The following AGAP1 variants were observed in gnomAD, a reference collection of about 807,000 sequenced individuals.
The protein encoded by AGAP1 is ArfGAP with GTPase domain, ankyrin repeat and PH domain 1.
In AGAP1, 29 loss-of-function variants were observed where a neutral mutation model predicts 105.3. That is an observed-to-expected ratio of 0.28 (90% CI 0.21 to 0.38). The LOEUF is 0.38. Ranked by LOEUF, AGAP1 falls within the 10% of genes least tolerant of loss-of-function variation. The pLI, the probability that AGAP1 is intolerant of heterozygous loss-of-function variation, is 1.00. For missense variants in AGAP1, 998 were observed against 1,165.1 expected (o/e 0.86, Z 2.09); for synonymous variants, 509 against 485.9 (o/e 1.05, Z -0.63).
chr2:235,711,370 C>T (rs532932326), intron 2 of AGAP1, among the ~76,000 whole-genome samples: 1 of 152,228 alleles, frequency 6.6e-6, no homozygotes, highest in South Asian at 2.1e-4. Context: ...CATGATCATA[C>T]CAGCCCATAA....
chr2:235,959,075 C>A lies in AGAP1; in HGVS notation c.1484-9387C>A, dbSNP rs150721300. ...CGGGACCCCAGTCCCTCCGTCAGAG[C>A]CGGTTTAGATGTGGAGTAATGAGGC... On this transcript the variant is annotated intron_variant, in intron 12 of 17. Transcript: ENST00000304032. The surrounding 1 kb of genome is among the most constrained non-coding windows in gnomAD (Gnocchi z 7.3). Among the ~76,000 whole-genome samples the A allele has an allele frequency of 3.1e-3, 466 of 152,290 alleles. 5 individuals are homozygous for A. Among genetic ancestry groups the A allele is most frequent in the Admixed American group, 0.021 (322 of 15,306 alleles).
intron 13 of AGAP1, among the ~76,000 whole-genome samples, chr2:236,025,090 T>A (rs2057010165): frequency 6.6e-6 from 1 of 152,228 alleles, no homozygotes; most frequent in Admixed American, 6.5e-5. Flanking sequence ...AACTTCAACA[T>A]GCTTTTAATA....
chr2:236,090,557 C>T lies in AGAP1; in HGVS notation c.2115-29635C>T, dbSNP rs1030311563. On this transcript the variant is annotated intron_variant, in intron 16 of 17. Coordinates refer to ENST00000304032, the MANE Select transcript of AGAP1 (RefSeq NM_001037131.3). This position sits in a 1 kb window ranked among gnomAD's most constrained non-coding sequence, Gnocchi z 4.3. The stretch of plus-strand genomic sequence containing the variant: ...TGCCAAGCGAGTGAGAGGCGGGGGT[C>T]GGAGGGAGGCCTTCCTCCTGCAGCG... Among the ~76,000 whole-genome samples the T allele has an allele frequency of 1.2e-4, 19 of 152,160 alleles. No individual in the cohort carries two copies. In the East Asian group the frequency reaches 3.5e-3, roughly 28 times the overall value.
chr2:235,560,813 C>T (rs1318524185), intron 1 of AGAP1, among the ~76,000 whole-genome samples: 1 of 152,194 alleles, frequency 6.6e-6, no homozygotes, highest in Non-Finnish European at 1.5e-5. Flanking sequence ...AACCAGTCAG[C>T]TGAGTGGTCA....
At position 235,958,161 on chromosome 2, in the gene AGAP1, C is replaced by T. The variant is rs1575884920; in HGVS notation, c.1484-10301C>T. Among the ~76,000 whole-genome samples the T allele has an allele frequency of 1.3e-5, 2 of 152,260 alleles. No homozygotes were observed. Among genetic ancestry groups the T allele is most frequent in the East Asian group, 3.9e-4 (2 of 5,168 alleles). On this transcript the variant is annotated intron_variant, in intron 12 of 17. Coordinates refer to ENST00000304032, the MANE Select transcript of AGAP1 (RefSeq NM_001037131.3). This position sits in a 1 kb window ranked among gnomAD's most constrained non-coding sequence, Gnocchi z 4.1. ...AATGAACAGCCAACCCTTCGGGAAC[C>T]ATTGCAGCTCTCCCAGAGTGAGTGT...
At chr2:236,057,779 C>T (rs1040892536) in intron 16 of AGAP1, among the ~76,000 whole-genome samples, 1 of 152,156 alleles carries the variant, frequency 6.6e-6, no homozygotes, top group African/African-American at 2.4e-5. Context: ...TTCCTCATTT[C>T]TAAGAAGAGA....
intron 3 of AGAP1, among the ~76,000 whole-genome samples, chr2:235,738,049 C>T (rs969663052): frequency 1.6e-4 from 24 of 152,044 alleles, no homozygotes; most frequent in African/African-American, 5.1e-4. Context: ...GCTCAGGACA[C>T]AGGGTCGGGA....
rs1009095013 is a variant in AGAP1, at chr2:236,092,185, C to T, written c.2115-28007C>T. ...CCTTGACTGGTGCTAGATACAGGAA[C>T]GTACATGTGACCAAATTGCATTGAA... On this transcript the variant is annotated intron_variant, in intron 16 of 17. Transcript: ENST00000304032. The surrounding 1 kb of genome is among the most constrained non-coding windows in gnomAD (Gnocchi z 4.7). Among the ~76,000 whole-genome samples the T allele has an allele frequency of 7.2e-5, 11 of 152,194 alleles. No individual in the cohort carries two copies. Among genetic ancestry groups the T allele is most frequent in the Admixed American group, 2.0e-4 (3 of 15,278 alleles).
intron 1 of AGAP1, among the ~76,000 whole-genome samples, chr2:235,541,380 T>C (rs979485245): frequency 1.3e-5 from 1 of 79,658 alleles, no homozygotes; most frequent in South Asian, 5.6e-4. Flanking sequence ...CTTATTCTTT[T>C]TTTTTTTTTT....
chr2:236,019,244 CGCTGGGT>C (rs2056809416), intron 13 of AGAP1, among the ~76,000 whole-genome samples: 1 of 151,984 alleles, frequency 6.6e-6, no homozygotes, highest in Non-Finnish European at 1.5e-5. Context: ...CCATTGCCTG[CGCTGGGT>C]GCTGGGGCAA....
chr2:236,091,513 G>A (rs1010159665), intron 16 of AGAP1, among the ~76,000 whole-genome samples: 2 of 152,222 alleles, frequency 1.3e-5, no homozygotes, highest in Non-Finnish European at 2.9e-5. Context: ...GCTCACTCCT[G>A]TAATCCCAGC....
chr2:235,730,384 G>T (rs975860694), intron 3 of AGAP1, among the ~76,000 whole-genome samples: 1 of 150,978 alleles, frequency 6.6e-6, no homozygotes, highest in Non-Finnish European at 1.5e-5. Flanking sequence ...TCAGGTCATG[G>T]TGCTGTTACT....
At chr2:235,764,825 A>G (rs1302295680) in intron 6 of AGAP1, among the ~76,000 whole-genome samples, 7 of 5,112 alleles carry the variant, frequency 1.4e-3, no homozygotes, top group African/African-American at 4.4e-3. Flanking sequence ...ATCTGGGAGC[A>G]TCCGTGGGGT....
chr2:236,033,201 T>A (rs1378896365), intron 13 of AGAP1, among the ~76,000 whole-genome samples: 1 of 152,094 alleles, frequency 6.6e-6, no homozygotes, highest in Non-Finnish European at 1.5e-5. Flanking sequence ...GCTGAGATCA[T>A]GCCATTGCAC....
At position 235,712,842 on chromosome 2, in the gene AGAP1, A is replaced by G. The variant is rs1950920820; in HGVS notation, c.222+3605A>G. ...ATTTCCTCCGTCTTGGTTTACTTCCAGCAGTCGCTCCGACAGCTTCACGGG... is the reference window on the plus strand; with the variant it reads ...ATTTCCTCCGTCTTGGTTTACTTCCGGCAGTCGCTCCGACAGCTTCACGGG... On this transcript the variant is annotated intron_variant, in intron 2 of 17. Coordinates refer to ENST00000304032, the MANE Select transcript of AGAP1 (RefSeq NM_001037131.3). The surrounding 1 kb of genome is among the most constrained non-coding windows in gnomAD (Gnocchi z 6.0). Among the ~76,000 whole-genome samples the G allele has an allele frequency of 6.6e-6, 1 of 152,196 alleles. No individual in the cohort carries two copies. Among genetic ancestry groups the G allele is most frequent in the African/African-American group, 2.4e-5 (1 of 41,458 alleles).
At chr2:236,047,637 T>A (rs2057763477) in intron 15 of AGAP1, among the ~76,000 whole-genome samples, 1 of 133,616 alleles carries the variant, frequency 7.5e-6, no homozygotes, top group Admixed American at 8.3e-5. Flanking sequence ...TCTCGTTCTG[T>A]CACCCAGGCT....
chr2:235,792,127 G>A lies in AGAP1; in HGVS notation c.674-5632G>A, dbSNP rs762073631. 1.3e-5 allele frequency among the ~76,000 whole-genome samples: 2 copies of A among 152,126 alleles called. No homozygotes were observed. Among genetic ancestry groups the A allele is most frequent in the African/African-American group, 2.4e-5 (1 of 41,420 alleles). On this transcript the variant is annotated intron_variant, in intron 6 of 17. Coordinates refer to ENST00000304032, the MANE Select transcript of AGAP1 (RefSeq NM_001037131.3). The surrounding 1 kb of genome is among the most constrained non-coding windows in gnomAD (Gnocchi z 5.3). Reference sequence around the variant, plus strand: ...CGCCTCCCAAGTTACTGGCCTCACTGTGCTCCAGCTTTCCCAGTAGCAGAG... The same window carrying A: ...CGCCTCCCAAGTTACTGGCCTCACTATGCTCCAGCTTTCCCAGTAGCAGAG...
chr2:235,859,541 G>GT (rs34414886), intron 9 of AGAP1, among the ~76,000 whole-genome samples: 66,678 of 144,570 alleles, frequency 0.46, 17,733 homozygotes, highest in East Asian at 0.78. Context: ...TTTCTGAGCA[G>GT]TTTTTTTTTT....
In AGAP1 at chr2:236,062,414, G is replaced by A. The variant is rs953630850; in HGVS notation, c.2114+13133G>A. ...AGAGCCAGGCTGGTATGGGATTCTAGGAGCATACTCAGGACTCGTATTTTG... is the reference window on the plus strand; with the variant it reads ...AGAGCCAGGCTGGTATGGGATTCTAAGAGCATACTCAGGACTCGTATTTTG... On this transcript the variant is annotated intron_variant, in intron 16 of 17. Transcript: ENST00000304032. This position sits in a 1 kb window ranked among gnomAD's most constrained non-coding sequence, Gnocchi z 4.2. 6.6e-6 allele frequency among the ~76,000 whole-genome samples: 1 copy of A among 151,408 alleles called. No individual in the cohort carries two copies. Among genetic ancestry groups the A allele is most frequent in the Admixed American group, 6.6e-5 (1 of 15,234 alleles).
Sources: allele counts gnomAD v4.1 joint callset (sites outside exome capture counted in the v4.1 genomes callset), GRCh38; gene constraint gnomAD v4.1.1; non-coding constraint Gnocchi (gnomAD v3.1); transcripts MANE v1.5; gene names NCBI Gene and HGNC (gene_info 2026-07-23, HGNC 2026-07-21).